The following FAAP100 variants were observed in gnomAD, a reference collection of about 807,000 sequenced individuals.
FAAP100 encodes the protein FA core complex associated protein 100.
FAAP100 carries 46 observed loss-of-function variants against 65.8 expected under a neutral mutation model. That is an observed-to-expected ratio of 0.70 (90% CI 0.55 to 0.89). The LOEUF is 0.89. FAAP100 is among the 40% of genes least tolerant of loss of function. The pLI, the probability that FAAP100 is intolerant of heterozygous loss-of-function variation, is 0.00. For synonymous variants in FAAP100, 663 were observed against 555.1 expected (o/e 1.19, Z -2.73); for missense variants, 1,165 against 1,196.7 (o/e 0.97, Z 0.39).
Position 81,547,141 on chromosome 17 carries a change from C to T in FAAP100, c.1941G>A (p.Val647=). The part of the protein sequence containing the change: ...GVCLPLSRHT[V]DMLQCLRFPG... ...GGAAGCGCAGACACTGCAGCATGTCCACTGTGTGCCTGCTCAGGGGCAGGC... is the reference window on the plus strand; with the variant it reads ...GGAAGCGCAGACACTGCAGCATGTCTACTGTGTGCCTGCTCAGGGGCAGGC... Residue 647 remains valine (V), a synonymous_variant, in exon 5 of 9, where the codon GTG becomes GTA. Transcript: ENST00000327787. 2.0e-6 allele frequency: 3 copies of T among 1,534,452 alleles called. No homozygotes were observed. Among genetic ancestry groups the T allele is most frequent in the African/African-American group, 1.4e-5 (1 of 72,624 alleles).
At position 81,545,773 on chromosome 17, in the gene FAAP100, G is replaced by A. The variant is rs765701522; in HGVS notation, c.2283C>T (p.Gly761=). ...LSSIQGVAPD[G]ANVHLIVREV... ...CTCGGACGATGAGGTGAACGTTGGC[G>A]CCATCAGGGGCCACTCCCTGGATGG... The change falls in exon 6 of 9, where the codon GGC becomes GGT. Residue 761 remains glycine, a synonymous_variant. Transcript: ENST00000327787. 1.7e-5 allele frequency: 27 copies of A among 1,611,860 alleles called. No homozygotes were observed. The highest frequency in any genetic ancestry group is 1.6e-4 in the Middle Eastern group (1 of 6,078).
chr17:81,541,052 T>G, intron 8 of FAAP100, 102 bp from the exon 9 acceptor site: 2 of 1,400,554 alleles, frequency 1.4e-6, no homozygotes, highest in African/African-American at 2.9e-5. Context: ...ACTTGGGAAG[T>G]GGCAGGTGGT....
In FAAP100 at chr17:81,551,214, A is replaced by G; in HGVS notation, c.291-11T>C. The G allele has an allele frequency of 6.6e-7, 1 of 1,504,062 alleles. No homozygotes were observed. Among genetic ancestry groups the G allele is most frequent in the Middle Eastern group, 1.7e-4 (1 of 5,774 alleles). 93.2% of individuals were successfully genotyped at this position (1,504,062 alleles called of 1,614,324 possible). ...TCCTGGCTCGTAGACCTTTGAGAAC[A>G]GGGACGCACTGGTCAGGCCTGGGCA... On this transcript the variant is annotated splice_polypyrimidine_tract_variant and intron_variant, in intron 2 of 8. Coordinates refer to ENST00000327787, the MANE Select transcript of FAAP100 (RefSeq NM_025161.6).
At chr17:81,551,535 G>A (rs545339348) in intron 2 of FAAP100, among the ~76,000 whole-genome samples, 9 of 152,346 alleles carry the variant, frequency 5.9e-5, no homozygotes, top group African/African-American at 2.2e-4. Context: ...AGGCCTGGCT[G>A]CCCGGAGCTC....
chr17:81,549,351 G>C lies in FAAP100; in HGVS notation c.1258C>G (p.Leu420Val). 2 of 1,608,264 alleles carry C rather than the reference G, an allele frequency of 1.2e-6. No individual in the cohort carries two copies. The highest frequency in any genetic ancestry group is 1.7e-6 in the Non-Finnish European group (2 of 1,177,794). Residue 420 changes from leucine to valine, a missense_variant, in exon 4 of 9, where the codon CTC becomes GTC. Physicochemically the swap from Leu to Val is conservative, Grantham distance 32. Transcript: ENST00000327787. ...CGGCCTTTGGCGGACAGGGCCAGGA[G>C]CTTGGTGCCACCTGGTGACAGACAC... is the stretch of plus-strand genomic sequence containing the variant. ...SPRTHEGGTK[L>V]LALSAKGRLM...
At chr17:81,542,028 G>T (rs1283202722) in intron 7 of FAAP100, among the ~76,000 whole-genome samples, 3 of 150,508 alleles carry the variant, frequency 2.0e-5, no homozygotes, top group Non-Finnish European at 4.5e-5. Context: ...TTAGCCGGGC[G>T]TAGTGGCGGG....
At chr17:81,546,312 G>A (rs1340664206) in intron 5 of FAAP100, 13 of 176,278 alleles carry the variant, frequency 7.4e-5, no homozygotes, top group Admixed American at 1.2e-4. Context: ...ATCTGCACCT[G>A]CGACACAGAG....
chr17:81,541,426 G>A (rs1020323574), intron 7 of FAAP100, 31 bp from the exon 8 acceptor site: 4 of 1,557,648 alleles, frequency 2.6e-6, no homozygotes, highest in Non-Finnish European at 3.5e-6. Flanking sequence ...GCTGGAGAGG[G>A]TGTGCCCCAG....
At chr17:81,546,695 C>G (rs2033313113) in intron 5 of FAAP100, among the ~76,000 whole-genome samples, 1 of 152,062 alleles carries the variant, frequency 6.6e-6, no homozygotes, top group Non-Finnish European at 1.5e-5. Flanking sequence ...AGCCCATGTC[C>G]ACAGGCCCGA....
Position 81,543,058 on chromosome 17 carries a change from C to T in FAAP100, c.2427+946G>A, listed in dbSNP as rs536683271. Reference sequence around the variant, plus strand: ...TCAGGGTCATGGCAGTGTCACAGTGCAGGGCACAGGGTCCTTGCACCAAAT... The same window carrying T: ...TCAGGGTCATGGCAGTGTCACAGTGTAGGGCACAGGGTCCTTGCACCAAAT... On this transcript the variant is annotated intron_variant, in intron 7 of 8. Coordinates refer to ENST00000327787, the MANE Select transcript of FAAP100 (RefSeq NM_025161.6). Among the ~76,000 whole-genome samples, 9 of 152,350 alleles carry T rather than the reference C, an allele frequency of 5.9e-5. No homozygotes were observed. The East Asian group carries it at 1.7e-3, about 29-fold the overall frequency.
chr17:81,550,254 G>T lies in FAAP100; in HGVS notation c.1240C>A (p.His414Asn). The change falls in exon 3 of 9, where the codon CAT becomes AAT. Residue 414 changes from histidine (H) to asparagine (N), a missense_variant. Physicochemically the swap from His to Asn is moderately conservative, Grantham distance 68. Coordinates refer to ENST00000327787, the MANE Select transcript of FAAP100 (RefSeq NM_025161.6). Reference sequence around the variant, plus strand: ...TTTAGACAGCAGCTCATACCTTCATGCGTCCTGGGAGACGCGGACAGCGAG... The same window carrying T: ...TTTAGACAGCAGCTCATACCTTCATTCGTCCTGGGAGACGCGGACAGCGAG... Reference protein sequence around the residue: ...VVSLSASPRTHEGGTKLLALS... With the variant: ...VVSLSASPRTNEGGTKLLALS... 3.8e-6 allele frequency: 6 copies of T among 1,596,688 alleles called. No homozygotes were observed. The highest frequency in any genetic ancestry group is 5.1e-6 in the Non-Finnish European group (6 of 1,169,824).
At chr17:81,548,150 G>C (rs2033377207) in intron 4 of FAAP100, 1 of 599,336 alleles carries the variant, frequency 1.7e-6, no homozygotes, top group East Asian at 2.8e-5. Flanking sequence ...CAGGGACCCG[G>C]AGTGACAGGC....
intron 5 of FAAP100, 122 bp downstream of exon 5, chr17:81,546,787 G>C (rs967345830): frequency 3.8e-6 from 4 of 1,059,338 alleles, no homozygotes; most frequent in East Asian, 5.9e-5. Flanking sequence ...CCAGGAGCTC[G>C]AGGCTGCAGT....
intron 7 of FAAP100, among the ~76,000 whole-genome samples, chr17:81,541,983 C>T (rs576230002): frequency 1.1e-4 from 16 of 151,584 alleles, no homozygotes; most frequent in South Asian, 2.1e-4. Context: ...CCGGCTAAAA[C>T]GGTGAAACCC....
intron 3 of FAAP100, among the ~76,000 whole-genome samples, 180 bp downstream of exon 3, chr17:81,550,068 C>G (rs1301851323): frequency 6.6e-6 from 1 of 152,178 alleles, no homozygotes; most frequent in Non-Finnish European, 1.5e-5. Flanking sequence ...AACAGGTAGG[C>G]CCACCACCAG....
intron 2 of FAAP100, among the ~76,000 whole-genome samples, chr17:81,551,522 G>A (rs1046904993): frequency 6.6e-6 from 1 of 152,248 alleles, no homozygotes; most frequent in African/African-American, 2.4e-5. Context: ...CTGCACTGAA[G>A]ACAGGCCTGG....
chr17:81,551,915 G>A lies in FAAP100; in HGVS notation c.290+13C>T, dbSNP rs748366021. On this transcript the variant is annotated intron_variant, in intron 2 of 8. Transcript: ENST00000327787. The stretch of plus-strand genomic sequence containing the variant: ...AGGAGTGTGCGGGAGGGAGGCCGCG[G>A]GCCCGCCCTCACCTGCTCCTGCCCG... 2.0e-6 allele frequency: 3 copies of A among 1,537,378 alleles called. No individual in the cohort carries two copies. Among genetic ancestry groups the A allele is most frequent in the East Asian group, 2.5e-5 (1 of 39,242 alleles).
intron 1 of FAAP100, 39 bp from the exon 2 acceptor site, chr17:81,552,091 G>T: frequency 1.4e-6 from 2 of 1,448,638 alleles, no homozygotes; most frequent in Non-Finnish European, 1.8e-6. Context: ...CGCGACGCGC[G>T]GGCCCGCGGT....
chr17:81,541,071 G>T, intron 8 of FAAP100, 121 bp from the exon 9 acceptor site: 1 of 1,311,102 alleles, frequency 7.6e-7, no homozygotes, highest in Non-Finnish European at 1.0e-6. Context: ...GTCCGAGGAA[G>T]AACACTCATC....
Sources: gnomAD v4.1 joint callset for allele counts (sites outside exome capture counted in the v4.1 genomes callset) on GRCh38, gnomAD v4.1.1 for gene constraint, MANE v1.5 for transcripts, NCBI Gene and HGNC (gene_info 2026-07-23, HGNC 2026-07-21) for gene names.